Variants in SLC25A48 observed in about 807,000 individuals in gnomAD.
SLC25A48 encodes the protein solute carrier family 25 member 48, also known as CTC-321K16.1.
SLC25A48 carries 29 observed loss-of-function variants against 32.2 expected under a neutral mutation model. That is an observed-to-expected ratio of 0.90 (90% CI 0.67 to 1.23). The LOEUF (loss-of-function observed/expected upper bound fraction) is 1.23. Among genes scored for constraint, SLC25A48 ranks in the 50% most tolerant of loss-of-function variants. The pLI, the probability that SLC25A48 is intolerant of heterozygous loss-of-function variation, is 0.00. For synonymous variants in SLC25A48, 164 were observed against 172.3 expected (o/e 0.95, Z 0.38); for missense variants, 399 against 422.7 (o/e 0.94, Z 0.49).
intron 4 of SLC25A48, among the ~76,000 whole-genome samples, chr5:135,823,798 C>T (rs1757952858): frequency 6.6e-6 from 1 of 152,132 alleles, no homozygotes; most frequent in Non-Finnish European, 1.5e-5. Context: ...AAGTCACCAC[C>T]TAGGAGAAAG....
At chr5:135,837,188 C>T (rs1005259286) in intron 1 of SLC25A48, among the ~76,000 whole-genome samples, 10 of 151,936 alleles carry the variant, frequency 6.6e-5, no homozygotes, top group African/African-American at 2.4e-4. Flanking sequence ...ATGGGGGAAG[C>T]CATGGAGCCT....
At chr5:135,614,888 A>G (rs750384570) in intron 1 of SLC25A48, among the ~76,000 whole-genome samples, 2 of 152,140 alleles carry the variant, frequency 1.3e-5, no homozygotes, top group African/African-American at 4.8e-5. Context: ...GTGAGTTCTC[A>G]TGAGATCTGG....
chr5:135,887,683 T>C (rs1434798748), intron 7 of SLC25A48, among the ~76,000 whole-genome samples: 1 of 152,006 alleles, frequency 6.6e-6, no homozygotes, highest in Admixed American at 6.6e-5. Flanking sequence ...ACCATCTCCC[T>C]TGGCGTTGCC....
intron 3 of SLC25A48, among the ~76,000 whole-genome samples, chr5:135,807,886 T>A (rs1279690642): frequency 6.6e-6 from 1 of 150,418 alleles, no homozygotes; most frequent in East Asian, 2.0e-4. Flanking sequence ...AGTATCATAA[T>A]GTGTTAACCC....
At chr5:135,824,663 C>T (rs937135400) in intron 4 of SLC25A48, 1 of 152,264 alleles carries the variant, frequency 6.6e-6, no homozygotes, top group African/African-American at 2.4e-5. Context: ...CAGAACTGCT[C>T]AGTGGGTTCT....
intron 3 of SLC25A48, chr5:135,654,076 T>C (rs763946701): frequency 2.7e-6 from 1 of 364,848 alleles, no homozygotes; most frequent in Non-Finnish European, 5.4e-6. Flanking sequence ...TGGGACCCAA[T>C]TGTGACATTT....
intron 1 of SLC25A48, among the ~76,000 whole-genome samples, chr5:135,604,090 G>A (rs772819338): frequency 7.9e-5 from 12 of 152,214 alleles, no homozygotes; most frequent in Non-Finnish European, 1.8e-4. Context: ...GTAACTCTGC[G>A]TGGTGGGTTC....
chr5:135,701,539 G>T (rs1754396899), intron 3 of SLC25A48, among the ~76,000 whole-genome samples: 1 of 151,984 alleles, frequency 6.6e-6, no homozygotes, highest in Non-Finnish European at 1.5e-5. Context: ...CTTTTGCTGT[G>T]CATTTTCTCA....
chr5:135,680,116 A>C (rs1753861006), intron 3 of SLC25A48, among the ~76,000 whole-genome samples: 1 of 152,104 alleles, frequency 6.6e-6, no homozygotes, highest in South Asian at 2.1e-4. Context: ...GTCTGTAGTC[A>C]CTACTCTTTT....
upstream of SLC25A48, among the ~76,000 whole-genome samples, chr5:135,831,514 AC>A (rs1758209890): frequency 2.0e-5 from 3 of 152,130 alleles, no homozygotes; most frequent in African/African-American, 7.2e-5. Flanking sequence ...TCTAGAAGAT[AC>A]CATGTGGCAT....
chr5:135,644,504 T>C (rs1330073790), intron 3 of SLC25A48, among the ~76,000 whole-genome samples: 1 of 152,092 alleles, frequency 6.6e-6, no homozygotes, highest in Non-Finnish European at 1.5e-5. Context: ...TTAATGAAAA[T>C]AGCCAGCATT....
chr5:135,692,218 T>C (rs554274999), intron 3 of SLC25A48, among the ~76,000 whole-genome samples: 1 of 149,996 alleles, frequency 6.7e-6, no homozygotes, highest in African/African-American at 2.5e-5. Context: ...CTTGGGAGGC[T>C]GAGGCGGGAG....
intron 3 of SLC25A48, among the ~76,000 whole-genome samples, chr5:135,763,288 A>G (rs994181835): frequency 4.6e-5 from 7 of 152,124 alleles, no homozygotes; most frequent in African/African-American, 1.7e-4. Context: ...AGGGCCTGGC[A>G]TACAAGGTGG....
intron 3 of SLC25A48, among the ~76,000 whole-genome samples, chr5:135,656,615 C>A (rs779593151): frequency 1.3e-5 from 2 of 152,128 alleles, no homozygotes; most frequent in African/African-American, 2.4e-5. Context: ...CAGAATGTGA[C>A]CTTATTTGGA....
chr5:135,842,255 T>G (rs1289965537), intron 1 of SLC25A48, among the ~76,000 whole-genome samples, 161 bp from the exon 2 acceptor site: 1 of 152,194 alleles, frequency 6.6e-6, no homozygotes, highest in Non-Finnish European at 1.5e-5. Context: ...TCTGCCTTCC[T>G]TGGTGCATGG....
chr5:135,712,534 C>A lies in SLC25A48; in HGVS notation c.-521+77578C>A, dbSNP rs149115618. On this transcript the variant is annotated intron_variant, in intron 3 of 10. Transcript: ENST00000646290. ...GAAGAGATCAGTCTCCAGCAGGCTT[C>A]CCCTGAGACCTGACTGTGTTCACTG... 3.3e-3 allele frequency among the ~76,000 whole-genome samples: 505 copies of A among 152,354 alleles called. 2 individuals carry two copies. Among genetic ancestry groups the A allele is most frequent in the Non-Finnish European group, 6.0e-3 (409 of 68,036 alleles).
intron 4 of SLC25A48, among the ~76,000 whole-genome samples, chr5:135,816,700 AC>A (rs925364300): frequency 6.6e-6 from 1 of 152,242 alleles, no homozygotes; most frequent in African/African-American, 2.4e-5. Flanking sequence ...GGTAACTGGT[AC>A]TAGATTTGCC....
chr5:135,830,297 A>T, upstream of SLC25A48, among the ~76,000 whole-genome samples: 1 of 152,198 alleles, frequency 6.6e-6, no homozygotes, highest in Non-Finnish European at 1.5e-5. Context: ...GCGCATCTTG[A>T]TGAGACCTCC....
At chr5:135,771,075 T>A (rs1202632897) in intron 3 of SLC25A48, among the ~76,000 whole-genome samples, 1 of 149,220 alleles carries the variant, frequency 6.7e-6, no homozygotes, top group East Asian at 2.0e-4. Context: ...GGGGAGAGAA[T>A]GATATTACTT....
Sources: gnomAD v4.1 joint callset for allele counts (sites outside exome capture counted in the v4.1 genomes callset) on GRCh38, gnomAD v4.1.1 for gene constraint, MANE v1.5 for transcripts, NCBI Gene and HGNC (gene_info 2026-07-23, HGNC 2026-07-21) for gene names.